Variants in PLA2G4E observed in about 807,000 individuals in gnomAD.
PLA2G4E encodes cytosolic phospholipase A2 epsilon.
In PLA2G4E, 84 loss-of-function variants were observed where a neutral mutation model predicts 109.1. That is an observed-to-expected ratio of 0.77 (90% CI 0.65 to 0.92). The LOEUF is 0.92. Ranked by LOEUF, PLA2G4E falls within the 40% of genes least tolerant of loss-of-function variation. The probability of loss-of-function intolerance (pLI) is 0.00; values close to 1 mark genes in which losing one functional copy is unlikely to be tolerated. For missense variants in PLA2G4E, 1,057 were observed against 1,076.6 expected (o/e 0.98, Z 0.25); for synonymous variants, 469 against 436.1 (o/e 1.08, Z -0.94).
exon 20 of PLA2G4E, chr15:41,983,666 C>T: frequency 1.6e-6 from 2 of 1,214,772 alleles, no homozygotes; most frequent in African/African-American, 1.5e-5. Context: ...GAGAGCAGAG[C>T]TGGCTGCGTA....
intron 7 of PLA2G4E, 64 bp from the exon 8 acceptor site, chr15:42,000,346 C>G: frequency 7.0e-7 from 1 of 1,436,930 alleles, no homozygotes; most frequent in East Asian, 2.5e-5. Flanking sequence ...CAACTTGGTC[C>G]AGCAAAAAAC....
chr15:41,994,866 C>T (rs537112790), intron 12 of PLA2G4E, among the ~76,000 whole-genome samples: 14 of 152,326 alleles, frequency 9.2e-5, no homozygotes, highest in East Asian at 1.9e-4. Flanking sequence ...TACAGTGAGC[C>T]GCAGGCACTG....
chr15:41,994,343 C>G (rs1245466815), intron 12 of PLA2G4E, among the ~76,000 whole-genome samples: 4 of 152,114 alleles, frequency 2.6e-5, no homozygotes, highest in African/African-American at 4.8e-5. Context: ...CTTTCCAAGG[C>G]CCATTCACAT....
At chr15:42,034,934 C>T (rs750160158) in intron 1 of PLA2G4E, among the ~76,000 whole-genome samples, 3 of 152,334 alleles carry the variant, frequency 2.0e-5, no homozygotes, top group African/African-American at 4.8e-5. Context: ...CTGCCACTTG[C>T]GCCTGAACAG....
chr15:42,004,293 CG>C (rs1566841519), intron 5 of PLA2G4E, among the ~76,000 whole-genome samples: 4 of 140,306 alleles, frequency 2.9e-5, no homozygotes, highest in African/African-American at 7.8e-5. Context: ...CAGAGTGAGA[CG>C]AAAGAAAGAA....
intron 1 of PLA2G4E, among the ~76,000 whole-genome samples, chr15:42,016,785 A>G (rs2068599546): frequency 6.6e-6 from 1 of 152,150 alleles, no homozygotes; most frequent in South Asian, 2.1e-4. Flanking sequence ...AGGTCTGGAG[A>G]TTTATTTTGT....
chr15:42,029,624 C>T (rs911310037), intron 1 of PLA2G4E, among the ~76,000 whole-genome samples: 2 of 152,130 alleles, frequency 1.3e-5, no homozygotes, highest in Non-Finnish European at 2.9e-5. Flanking sequence ...TATGGTATAG[C>T]GGTCTAGACT....
At chr15:41,996,493 G>A (rs1160595738) in intron 11 of PLA2G4E, among the ~76,000 whole-genome samples, 3 of 151,010 alleles carry the variant, frequency 2.0e-5, no homozygotes, top group East Asian at 2.0e-4. Context: ...TCGGGCACCC[G>A]CCAGGTCTCT....
intron 10 of PLA2G4E, chr15:41,997,557 C>T (rs2068362394): frequency 9.7e-6 from 2 of 205,878 alleles, no homozygotes; most frequent in African/African-American, 2.3e-5. Context: ...GCTTTGAGTC[C>T]TCTGTCTCCT....
At chr15:41,988,251 G>T in intron 15 of PLA2G4E, 95 bp from the exon 16 acceptor site, 1 of 733,648 alleles carries the variant, frequency 1.4e-6, no homozygotes, top group Non-Finnish European at 2.0e-6. Flanking sequence ...CCCACCCCAC[G>T]CAAGCCAGGC....
chr15:42,000,114 C>T lies in PLA2G4E; in HGVS notation c.842G>A (p.Trp281Ter), dbSNP rs777621507. 1.3e-6 allele frequency: 2 copies of T among 1,588,620 alleles called. No homozygotes were observed. The highest frequency in any genetic ancestry group is 1.7e-6 in the Non-Finnish European group (2 of 1,167,140). Reference sequence around the variant, plus strand: ...TCAGCCGCCTTGTACCCCACAGCTCCAGTGACTCTTGGGCACTTCCACGTG... The same window carrying T: ...TCAGCCGCCTTGTACCCCACAGCTCTAGTGACTCTTGGGCACTTCCACGTG... Residue 281 changes from tryptophan to a stop codon, truncating the protein, a stop_gained, in exon 8 of 20, where the codon TGG (tryptophan) becomes TAG (stop). Coordinates refer to ENST00000399518, the Ensembl canonical transcript of PLA2G4E. LOFTEE classifies it high-confidence loss of function.
chr15:41,996,742 C>T (rs1480209036), intron 11 of PLA2G4E, among the ~76,000 whole-genome samples: 1 of 152,340 alleles, frequency 6.6e-6, no homozygotes, highest in Non-Finnish European at 1.5e-5. Context: ...AGAGGAGAGA[C>T]AATTGAGGAA....
chr15:41,986,041 G>T (rs1475917113), intron 17 of PLA2G4E, 36 bp from the exon 18 acceptor site: 2 of 1,558,960 alleles, frequency 1.3e-6, no homozygotes, highest in Non-Finnish European at 1.7e-6. Flanking sequence ...AACACACCTG[G>T]TGCCCTGACA....
chr15:42,045,155 G>A (rs563090508), intron 1 of PLA2G4E, among the ~76,000 whole-genome samples: 1 of 152,280 alleles, frequency 6.6e-6, no homozygotes, highest in South Asian at 2.1e-4. Flanking sequence ...GTCTCAGGGG[G>A]CTGAGCCTTG....
chr15:42,010,132 G>GCCCCCCACCCCCCCCCCCCCCCCCCCC, intron 2 of PLA2G4E: 1 of 417,170 alleles, frequency 2.4e-6, no homozygotes, highest in Non-Finnish European at 4.7e-6. Flanking sequence ...CAGAACACTG[G>GCCCCCCACCCCCCCCCCCCCCCCCCCC]CCCCCCCACC....
rs371067872 is a variant in PLA2G4E at position 42,024,932 on chromosome 15, G to A, written c.184-11175C>T. Among the ~76,000 whole-genome samples, 199 of 152,250 alleles carry A rather than the reference G, an allele frequency of 1.3e-3. No individual in the cohort carries two copies. In the South Asian group the frequency reaches 0.015, roughly 11 times the overall value. On this transcript the variant is annotated intron_variant, in intron 1 of 19. Transcript: ENST00000399518. ...GAATTAAAGAGGAGCCAGGCGCGGTGGCTCACGCCTGTAATCCCAGCACTT... is the reference window on the plus strand; with the variant it reads ...GAATTAAAGAGGAGCCAGGCGCGGTAGCTCACGCCTGTAATCCCAGCACTT...
exon 20 of PLA2G4E, chr15:41,982,773 G>A (rs2068081853): frequency 1.3e-5 from 2 of 152,270 alleles, no homozygotes; most frequent in Non-Finnish European, 2.9e-5. Flanking sequence ...GTTTGGAGCT[G>A]GATGCTTGGG....
chr15:42,031,525 T>G (rs1889114569), intron 1 of PLA2G4E, among the ~76,000 whole-genome samples: 1 of 152,120 alleles, frequency 6.6e-6, no homozygotes, highest in Admixed American at 6.6e-5. Context: ...TTCCTCTCCC[T>G]TCATCCTCCT....
chr15:41,985,971 G>T lies in PLA2G4E; in HGVS notation c.2070C>A (p.Thr690=), dbSNP rs550408300. ...GCAGGCACAGGTGGTTCGCGGACTCGGTCAGCTGGTTTGGGAAACCATCTA... is the reference window on the plus strand; with the variant it reads ...GCAGGCACAGGTGGTTCGCGGACTCTGTCAGCTGGTTTGGGAAACCATCTA... Residue 690 remains threonine (T), a synonymous_variant, in exon 18 of 20, where the codon ACC becomes ACA. Transcript: ENST00000399518. 10 of 1,601,488 alleles carry T rather than the reference G, an allele frequency of 6.2e-6. 1 individual carries two copies. Among genetic ancestry groups the T allele is most frequent in the South Asian group, 2.3e-5 (2 of 88,640 alleles).
Sources: allele counts gnomAD v4.1 joint callset (sites outside exome capture counted in the v4.1 genomes callset), GRCh38; gene constraint gnomAD v4.1.1; transcripts MANE v1.5; gene names NCBI Gene and HGNC (gene_info 2026-07-23, HGNC 2026-07-21).